The following KNTC1 variants were observed in gnomAD, a reference collection of about 807,000 sequenced individuals.
KNTC1 encodes the protein kinetochore-associated protein 1.
KNTC1 carries 253 observed loss-of-function variants against 314.4 expected under a neutral mutation model. The ratio of observed to expected loss-of-function variants is 0.80; its 90% CI spans 0.73 to 0.89. The LOEUF (loss-of-function observed/expected upper bound fraction) is 0.89. KNTC1 is among the 40% of genes least tolerant of loss of function. KNTC1 has a pLI of 0.00. For missense variants in KNTC1, 2,475 were observed against 2,572.9 expected, an observed-to-expected ratio of 0.96 and a Z score of 0.82; for synonymous variants, 901 against 901.4, an observed-to-expected ratio of 1.00 and a Z score of 0.01.
At chr12:122,543,266 T>C (rs916237005) in intron 6 of KNTC1, among the ~76,000 whole-genome samples, 4 of 152,018 alleles carry the variant, frequency 2.6e-5, no homozygotes, top group Non-Finnish European at 4.4e-5. Flanking sequence ...GTCTTGGGTA[T>C]ATGACAAGAT....
chr12:122,592,397 TGAG>T (rs200042687), intron 42 of KNTC1, among the ~76,000 whole-genome samples: 253 of 152,326 alleles, frequency 1.7e-3, no homozygotes, highest in African/African-American at 5.7e-3. Context: ...GCCCAAGGGC[TGAG>T]GAGTGTGAGC....
chr12:122,563,056 T>G (rs1964089280), intron 20 of KNTC1, among the ~76,000 whole-genome samples: 1 of 152,106 alleles, frequency 6.6e-6, no homozygotes. Flanking sequence ...CATAGAAATT[T>G]GGAATGTCAT....
intron 12 of KNTC1, among the ~76,000 whole-genome samples, chr12:122,548,402 G>T (rs1299598376): frequency 6.6e-6 from 1 of 151,886 alleles, no homozygotes; most frequent in African/African-American, 2.4e-5. Context: ...TAGAGATGGG[G>T]TTTCACCATT....
chr12:122,588,893 T>C, intron 40 of KNTC1, 77 bp downstream of exon 40: 1 of 831,676 alleles, frequency 1.2e-6, no homozygotes, highest in East Asian at 2.8e-5. Flanking sequence ...TATGACTCAA[T>C]AGTTTATGAT....
intron 18 of KNTC1, among the ~76,000 whole-genome samples, chr12:122,559,724 T>C (rs1963853336): frequency 6.6e-6 from 1 of 152,074 alleles, no homozygotes. Flanking sequence ...AGGCTCCCGC[T>C]GCCACCACAC....
intron 16 of KNTC1, among the ~76,000 whole-genome samples, chr12:122,554,036 A>G (rs1196265838): frequency 6.9e-6 from 1 of 145,290 alleles, no homozygotes; most frequent in African/African-American, 2.5e-5. Context: ...AAAAAATATA[A>G]CGGTTTTAAA....
chr12:122,555,901 C>T (rs750977873), intron 16 of KNTC1, among the ~76,000 whole-genome samples: 50 of 152,232 alleles, frequency 3.3e-4, no homozygotes, highest in Non-Finnish European at 6.6e-4. Flanking sequence ...TTTCGATGTG[C>T]AATGTGGTGA....
In KNTC1 at chr12:122,563,878, G is replaced by GA. The variant is rs531481356; in HGVS notation, c.1604+1185dup. ...CTCTATAAACAGGGTTTGAAAGGAA[G>GA]AAAAAACAGCTGGTATTTGCAAAGG... On this transcript the variant is annotated intron_variant, in intron 20 of 63. Transcript: ENST00000333479. The GA allele has an allele frequency of 1.8e-4, 238 of 1,326,322 alleles. 1 individual carries two copies. In the East Asian group the frequency reaches 5.6e-3, roughly 31 times the overall value. The allele number at this position is 1,326,322 out of a possible 1,614,324, so 82.2% of individuals were successfully genotyped here.
chr12:122,621,736 A>G (rs1011122050), intron 60 of KNTC1, 145 bp from the exon 61 acceptor site: 1 of 588,092 alleles, frequency 1.7e-6, no homozygotes, highest in South Asian at 2.1e-5. Flanking sequence ...TCATTCATAC[A>G]CTCATTCCTT....
At chr12:122,623,752 G>A (rs1874690927) in intron 62 of KNTC1, among the ~76,000 whole-genome samples, 1 of 152,124 alleles carries the variant, frequency 6.6e-6, no homozygotes, top group African/African-American at 2.4e-5. Context: ...AAAGCACTCA[G>A]AGTACAAAAC....
At chr12:122,534,006 T>C (rs1408234333) in intron 2 of KNTC1, among the ~76,000 whole-genome samples, 1 of 152,228 alleles carries the variant, frequency 6.6e-6, no homozygotes, top group Non-Finnish European at 1.5e-5. Context: ...GGACTGAGCT[T>C]CCTCAACCAC....
intron 6 of KNTC1, 69 bp from the exon 7 acceptor site, chr12:122,543,530 CA>C: frequency 8.6e-7 from 1 of 1,157,046 alleles, no homozygotes; most frequent in Admixed American, 2.8e-5. Context: ...CACCTTGACA[CA>C]AAACAGGTGA....
intron 41 of KNTC1, 122 bp downstream of exon 41, chr12:122,590,857 A>T: frequency 1.1e-6 from 1 of 934,044 alleles, no homozygotes; most frequent in South Asian, 1.8e-5. Context: ...CTAACTCGTG[A>T]TTTCTACCAG....
intron 44 of KNTC1, among the ~76,000 whole-genome samples, chr12:122,599,596 C>A (rs1871557648): frequency 6.6e-6 from 1 of 152,090 alleles, no homozygotes; most frequent in Non-Finnish European, 1.5e-5. Context: ...GGTGATCTAC[C>A]TGCCTCAGCC....
Position 122,590,730 on chromosome 12 carries a change from A to G in KNTC1, c.4123A>G (p.Ile1375Val). 6.2e-7 allele frequency: 1 copy of G among 1,612,998 alleles called. No individual in the cohort carries two copies. The highest frequency in any genetic ancestry group is 1.1e-5 in the South Asian group (1 of 90,932). Residue 1375 changes from isoleucine (I) to valine (V), a missense_variant, in exon 41 of 64, where the codon ATC (isoleucine) becomes GTC (valine). Coordinates refer to ENST00000333479, the MANE Select transcript of KNTC1 (RefSeq NM_014708.6). Reference protein sequence around the residue: ...IDKAWQNYDKILAISLVGSEL... With the variant: ...IDKAWQNYDKVLAISLVGSEL... Reference sequence around the variant, plus strand: ...TAAAGCATGGCAGAATTACGACAAAATCTTGGTATGTCCTAAGGAAGCACA... The same window carrying G: ...TAAAGCATGGCAGAATTACGACAAAGTCTTGGTATGTCCTAAGGAAGCACA...
At chr12:122,603,418 A>G (rs184637541) in intron 48 of KNTC1, among the ~76,000 whole-genome samples, 175 bp downstream of exon 48, 1 of 152,164 alleles carries the variant, frequency 6.6e-6, no homozygotes, top group East Asian at 1.9e-4. Flanking sequence ...GCAATTTCCA[A>G]CTTGTCCTTG....
intron 3 of KNTC1, 148 bp downstream of exon 3, chr12:122,534,932 G>C: frequency 1.3e-6 from 1 of 745,452 alleles, no homozygotes. Flanking sequence ...AGTGCTTAGT[G>C]CCTTATTTGC....
In KNTC1 at chr12:122,601,518, AT is replaced by A; in HGVS notation, c.4564-13del. On this transcript the variant is annotated splice_polypyrimidine_tract_variant and intron_variant, in intron 44 of 63. Transcript: ENST00000333479. The stretch of plus-strand genomic sequence containing the variant: ...GCAAAGTCTTATCAAGTTTTGATAT[AT>A]TTTTGTTTTTATACAGTTGGATCCT... The A allele has an allele frequency of 6.6e-7, 1 of 1,513,672 alleles. No individual in the cohort carries two copies. Among genetic ancestry groups the A allele is most frequent in the South Asian group, 1.3e-5 (1 of 76,128 alleles). The allele number at this position is 1,513,672 out of a possible 1,614,324, so 93.8% of individuals were successfully genotyped here.
rs149124522 is a variant in KNTC1, at chr12:122,625,942, C to T, written c.6607-263C>T. ...TTAGAATGAGCCCGCATTTTGTTAC[C>T]GCCCATTAATAACTTACAGGGCTTA... On this transcript the variant is annotated intron_variant, in intron 63 of 63. Coordinates refer to ENST00000333479, the MANE Select transcript of KNTC1 (RefSeq NM_014708.6). 6.1e-3 allele frequency among the ~76,000 whole-genome samples: 929 copies of T among 152,222 alleles called. 5 individuals are homozygous for T. The highest frequency in any genetic ancestry group is 0.017 in the Middle Eastern group (5 of 294).
Sources: allele counts gnomAD v4.1 joint callset (sites outside exome capture counted in the v4.1 genomes callset), GRCh38; gene constraint gnomAD v4.1.1; transcripts MANE v1.5; gene names NCBI Gene and HGNC (gene_info 2026-07-23, HGNC 2026-07-21).